AUTS2: variants seen among roughly 807,000 people sequenced by gnomAD.
AUTS2 encodes the protein activator of transcription and developmental regulator AUTS2, also known as autism susceptibility gene 2 protein.
In AUTS2, 17 loss-of-function variants were observed where a neutral mutation model predicts 112.4. The ratio of observed to expected loss-of-function variants is 0.15; its 90% CI spans 0.10 to 0.23. The LOEUF (loss-of-function observed/expected upper bound fraction) is 0.23. AUTS2 is among the 10% of genes least tolerant of loss of function. The pLI, the probability that AUTS2 is intolerant of heterozygous loss-of-function variation, is 1.00. For synonymous variants in AUTS2, 751 were observed against 702.7 expected (o/e 1.07, Z -1.09); for missense variants, 1,510 against 1,701.6 (o/e 0.89, Z 1.98).
chr7:69,787,298 C>G lies in AUTS2; in HGVS notation c.310-111988C>G, dbSNP rs140678797. ...AGGAGAAGGGAAAAGAAAGATGACT[C>G]TAGAACTTGTCTTTATTAAGAAACA... On this transcript the variant is annotated intron_variant, in intron 1 of 18. Coordinates refer to ENST00000342771, the MANE Select transcript of AUTS2 (RefSeq NM_015570.4). 4.0e-3 allele frequency among the ~76,000 whole-genome samples: 605 copies of G among 152,292 alleles called. 4 individuals are homozygous for G. The highest frequency in any genetic ancestry group is 7.7e-3 in the Non-Finnish European group (526 of 68,020).
chr7:70,735,110 A>T lies in AUTS2; in HGVS notation c.743-27760A>T, dbSNP rs141958731. Among the ~76,000 whole-genome samples the T allele has an allele frequency of 5.1e-3, 777 of 152,312 alleles. 5 individuals carry two copies. Among genetic ancestry groups the T allele is most frequent in the Middle Eastern group, 0.02 (6 of 294 alleles). ...TGGCCGTCAATTCTGTTCATTTCAT[A>T]TTCTCACAGCCTGTCTCTCAGGTGG... On this transcript the variant is annotated intron_variant, in intron 6 of 18. Transcript: ENST00000342771.
intron 6 of AUTS2, among the ~76,000 whole-genome samples, chr7:70,732,922 G>T (rs778100374): frequency 8.5e-5 from 13 of 152,104 alleles, no homozygotes; most frequent in Non-Finnish European, 1.5e-4. Context: ...TCTCCATTTT[G>T]TCCACAGAGG....
intron 4 of AUTS2, among the ~76,000 whole-genome samples, chr7:70,209,427 G>A (rs1228925265): frequency 6.6e-6 from 1 of 152,178 alleles, no homozygotes; most frequent in Non-Finnish European, 1.5e-5. Context: ...AAAGAATCTA[G>A]GAGATTGGGA....
chr7:70,267,274 G>A (rs571927023), intron 4 of AUTS2, among the ~76,000 whole-genome samples: 6 of 142,046 alleles, frequency 4.2e-5, no homozygotes, highest in Non-Finnish European at 9.2e-5. Flanking sequence ...AACTCTAAAT[G>A]TTTCTTTTTT....
At chr7:69,837,204 G>T (rs561702698) in intron 1 of AUTS2, among the ~76,000 whole-genome samples, 33 of 152,298 alleles carry the variant, frequency 2.2e-4, no homozygotes, top group South Asian at 1.0e-3. Context: ...TGAGGATTCT[G>T]TGAAACAAAT....
At chr7:70,140,606 C>T (rs1806811337) in intron 4 of AUTS2, among the ~76,000 whole-genome samples, 1 of 152,160 alleles carries the variant, frequency 6.6e-6, no homozygotes, top group Admixed American at 6.6e-5. Flanking sequence ...GTTCATTCAT[C>T]ACCTGTTAAG....
At chr7:70,774,768 T>C (rs1767788083) in intron 12 of AUTS2, 1 of 152,684 alleles carries the variant, frequency 6.5e-6, no homozygotes, top group Non-Finnish European at 1.5e-5. Flanking sequence ...AATATTGTCT[T>C]TTTACCTACA....
At chr7:70,449,653 C>T (rs1275160242) in intron 5 of AUTS2, among the ~76,000 whole-genome samples, 1 of 152,142 alleles carries the variant, frequency 6.6e-6, no homozygotes, top group Non-Finnish European at 1.5e-5. Flanking sequence ...AAAGTTGACA[C>T]TTTATAGTGA....
chr7:70,257,690 C>CT (rs1786957597), intron 4 of AUTS2, among the ~76,000 whole-genome samples: 1 of 151,120 alleles, frequency 6.6e-6, no homozygotes, highest in Non-Finnish European at 1.5e-5. Flanking sequence ...ACTTCTGGGC[C>CT]TGAGCGATCC....
chr7:70,323,850 A>G (rs942291067), intron 4 of AUTS2, among the ~76,000 whole-genome samples: 3 of 152,190 alleles, frequency 2.0e-5, no homozygotes, highest in Non-Finnish European at 4.4e-5. Flanking sequence ...AACATGTCCT[A>G]TTGACAGAGT....
At chr7:70,369,308 A>G (rs183624121) in intron 4 of AUTS2, among the ~76,000 whole-genome samples, 3 of 152,280 alleles carry the variant, frequency 2.0e-5, no homozygotes, top group African/African-American at 4.8e-5. Flanking sequence ...GAAGTTTAGG[A>G]CTTTATTCAT....
In AUTS2 at chr7:70,087,780, TA is replaced by T. The variant is rs556389233; in HGVS notation, c.523-30351del. On this transcript the variant is annotated intron_variant, in intron 2 of 18. Coordinates refer to ENST00000342771, the MANE Select transcript of AUTS2 (RefSeq NM_015570.4). ...CTCCAATTTTCTGAAGCAGTTTGTA[TA>T]GAATTTATATTATTGTTTCCTTAAA... Among the ~76,000 whole-genome samples the T allele has an allele frequency of 2.2e-4, 34 of 152,346 alleles. No homozygotes were observed. In the East Asian group the frequency reaches 5.8e-3, roughly 26 times the overall value.
intron 6 of AUTS2, among the ~76,000 whole-genome samples, chr7:70,706,137 T>C (rs1207980076): frequency 1.3e-5 from 2 of 152,222 alleles, no homozygotes; most frequent in East Asian, 3.9e-4. Context: ...CAAATTTTGC[T>C]GCAGTAACAA....
intron 1 of AUTS2, among the ~76,000 whole-genome samples, chr7:69,818,152 T>A (rs1165041504): frequency 6.6e-6 from 1 of 152,238 alleles, no homozygotes. Context: ...TGATGACAGC[T>A]TCCTTTCTGA....
At chr7:70,266,889 C>T (rs955252313) in intron 4 of AUTS2, among the ~76,000 whole-genome samples, 15 of 152,222 alleles carry the variant, frequency 9.9e-5, no homozygotes, top group Non-Finnish European at 1.9e-4. Context: ...AACAAATCTG[C>T]ACTTCCATGT....
At chr7:69,787,985 C>T (rs191390844) in intron 1 of AUTS2, among the ~76,000 whole-genome samples, 105 of 152,318 alleles carry the variant, frequency 6.9e-4, no homozygotes, top group Non-Finnish European at 1.6e-4. Flanking sequence ...CACTGGCATT[C>T]CTTCCCTCTT....
intron 2 of AUTS2, among the ~76,000 whole-genome samples, chr7:69,990,407 GT>G (rs747644982): frequency 1.4e-4 from 21 of 152,248 alleles, no homozygotes; most frequent in East Asian, 1.9e-4. Flanking sequence ...TCATTTTCAT[GT>G]TGTTCCAGAT....
chr7:69,809,047 C>T (rs761482037), intron 1 of AUTS2, among the ~76,000 whole-genome samples: 1 of 152,016 alleles, frequency 6.6e-6, no homozygotes, highest in Non-Finnish European at 1.5e-5. Flanking sequence ...GGTGGGGAAT[C>T]AGGCCTCATT....
intron 4 of AUTS2, among the ~76,000 whole-genome samples, chr7:70,183,514 C>CAGAGTAA (rs1809434146): frequency 6.6e-6 from 1 of 152,204 alleles, no homozygotes; most frequent in Non-Finnish European, 1.5e-5. Context: ...TGCAGCTCAG[C>CAGAGTAA]CCTGGACGGC....
Sources: gnomAD v4.1 joint callset for allele counts (sites outside exome capture counted in the v4.1 genomes callset) on GRCh38, gnomAD v4.1.1 for gene constraint, MANE v1.5 for transcripts, NCBI Gene and HGNC (gene_info 2026-07-23, HGNC 2026-07-21) for gene names.